Variants in PSMB2 observed in about 807,000 individuals in gnomAD.
The protein encoded by PSMB2 is proteasome 20S subunit beta 2.
Under a neutral mutation model 25.7 loss-of-function variants are expected in PSMB2, and 13 were observed. That is an observed-to-expected ratio of 0.51 (90% CI 0.33 to 0.80). PSMB2 has a LOEUF of 0.80. PSMB2 is among the 30% of genes least tolerant of loss of function. The probability of loss-of-function intolerance (pLI) is 0.02; values close to 1 mark genes in which losing one functional copy is unlikely to be tolerated. For missense variants in PSMB2, 202 were observed against 259.0 expected, an observed-to-expected ratio of 0.78 and a Z score of 1.51; for synonymous variants, 87 against 96.2, an observed-to-expected ratio of 0.90 and a Z score of 0.56.
intron 3 of PSMB2, among the ~76,000 whole-genome samples, chr1:35,612,190 G>A (rs555387201): frequency 2.0e-5 from 3 of 152,224 alleles, no homozygotes; most frequent in South Asian, 2.1e-4. Flanking sequence ...AATGAGTAGC[G>A]TGCGGCACTC....
At chr1:35,624,264 A>ACCAT (rs1239746189) in intron 3 of PSMB2, among the ~76,000 whole-genome samples, 1 of 152,210 alleles carries the variant, frequency 6.6e-6, no homozygotes, top group Non-Finnish European at 1.5e-5. Flanking sequence ...AACCCTAAAA[A>ACCAT]CCATCCAATC....
At chr1:35,607,676 G>A (rs1650208132) in intron 4 of PSMB2, among the ~76,000 whole-genome samples, 1 of 152,130 alleles carries the variant, frequency 6.6e-6, no homozygotes, top group Non-Finnish European at 1.5e-5. Context: ...CCACTACTGG[G>A]AATTTATCCA....
At chr1:35,618,887 G>A (rs79808330) in intron 3 of PSMB2, among the ~76,000 whole-genome samples, 3,507 of 152,226 alleles carry the variant, frequency 0.023, 155 homozygotes, top group African/African-American at 0.08. Flanking sequence ...TGTTCCAAAT[G>A]CATTTATTTT....
At chr1:35,639,833 A>G (rs188019849) in intron 1 of PSMB2, among the ~76,000 whole-genome samples, 8 of 152,378 alleles carry the variant, frequency 5.3e-5, no homozygotes, top group Admixed American at 3.3e-4. Context: ...ACTGGCTTAC[A>G]AACAAAACTT....
chr1:35,641,424 G>A lies in PSMB2; in HGVS notation c.9C>T (p.Tyr3=), dbSNP rs983333481. 8 of 1,614,140 alleles carry A rather than the reference G, an allele frequency of 5.0e-6. No homozygotes were observed. Among genetic ancestry groups the A allele is most frequent in the Admixed American group, 3.3e-5 (2 of 60,014 alleles). The part of the protein sequence containing the change: ME[Y]LIGIQGPDYV... ...AGTCGGGGCCTTGGATACCGATGAG[G>A]TACTCCATGGTGGCGGAAGGCCAGG... is the stretch of plus-strand genomic sequence containing the variant. The change falls in exon 1 of 6, where the codon TAC becomes TAT. Residue 3 remains tyrosine, a synonymous_variant. Coordinates refer to ENST00000373237, the MANE Select transcript of PSMB2 (RefSeq NM_002794.5).
chr1:35,640,788 A>G (rs187553329), intron 1 of PSMB2, among the ~76,000 whole-genome samples: 5 of 152,316 alleles, frequency 3.3e-5, no homozygotes, highest in Non-Finnish European at 7.3e-5. Flanking sequence ...GGCTCTGGGC[A>G]GGCGCTTAAA....
chr1:35,628,125 T>G (rs895080390), intron 3 of PSMB2, among the ~76,000 whole-genome samples: 3 of 152,134 alleles, frequency 2.0e-5, no homozygotes, highest in Admixed American at 2.0e-4. Context: ...AATTCATATT[T>G]TAGAACTAAG....
At chr1:35,614,445 T>C (rs1188995103) in intron 3 of PSMB2, among the ~76,000 whole-genome samples, 1 of 152,218 alleles carries the variant, frequency 6.6e-6, no homozygotes, top group East Asian at 1.9e-4. Flanking sequence ...GAAATCTCTA[T>C]TCTGTACATG....
At chr1:35,641,241 C>T in intron 1 of PSMB2, 101 bp downstream of exon 1, 1 of 1,444,450 alleles carries the variant, frequency 6.9e-7, no homozygotes, top group Middle Eastern at 2.3e-4. Flanking sequence ...GGCCGGCTTC[C>T]ATCTCTCAGA....
At chr1:35,619,415 C>T (rs941874861) in intron 3 of PSMB2, among the ~76,000 whole-genome samples, 1 of 152,152 alleles carries the variant, frequency 6.6e-6, no homozygotes, top group Admixed American at 6.5e-5. Context: ...GTGGCTTTAT[C>T]ACCTTACAGT....
intron 3 of PSMB2, among the ~76,000 whole-genome samples, chr1:35,617,492 T>C (rs1650526447): frequency 6.6e-6 from 1 of 152,196 alleles, no homozygotes. Flanking sequence ...GACTACAACA[T>C]AGAATAATTA....
At chr1:35,640,487 G>C (rs543953750) in intron 1 of PSMB2, among the ~76,000 whole-genome samples, 77 of 152,300 alleles carry the variant, frequency 5.1e-4, no homozygotes, top group African/African-American at 1.8e-3. Flanking sequence ...AGGAAAACCT[G>C]GCAGCCATTG....
rs937246925 is a variant in PSMB2, at chr1:35,601,687, T to C, written c.*1580A>G. The C allele has an allele frequency of 1.0e-6, 1 of 985,298 alleles. No homozygotes were observed. Among genetic ancestry groups the C allele is most frequent in the Non-Finnish European group, 1.2e-6 (1 of 829,928 alleles). 61.0% of individuals were successfully genotyped at this position (985,298 alleles called of 1,614,324 possible). A position where few individuals can be genotyped will look rare whatever the true frequency, so the allele number is the denominator to read the frequency against. On this transcript the variant is annotated 3_prime_UTR_variant, in exon 6 of 6. Transcript: ENST00000373237. ...AACAAAAACCTATCTGTATATGATA[T>C]TAAGAGGAGCACAGAATTGGATAAA...
chr1:35,609,535 T>TG, intron 3 of PSMB2, 127 bp from the exon 4 acceptor site: 1 of 900,854 alleles, frequency 1.1e-6, no homozygotes, highest in Non-Finnish European at 1.6e-6. Context: ...TAAATCACAA[T>TG]GAAAGTAAAA....
Position 35,601,500 on chromosome 1 carries a change from C to T in PSMB2, c.*1767G>A. 1 of 985,322 alleles carries T rather than the reference C, an allele frequency of 1.0e-6. No homozygotes were observed. Among genetic ancestry groups the T allele is most frequent in the Non-Finnish European group, 1.2e-6 (1 of 829,898 alleles). 61.0% of individuals were successfully genotyped at this position (985,322 alleles called of 1,614,324 possible). On this transcript the variant is annotated 3_prime_UTR_variant, in exon 6 of 6. Coordinates refer to ENST00000373237, the MANE Select transcript of PSMB2 (RefSeq NM_002794.5). ...AGTGACGTGAATCATCTCTTTTCTC[C>T]CATTTACTCAATGATTAGCTTTCTT...
At position 35,600,290 on chromosome 1, in the gene PSMB2, C is replaced by T; in HGVS notation, c.*2977G>A. ...GCAATGTTGTATCTTGGATTATATC[C>T]TAGAACAGAAGAAAATTAGTGGAAA... On this transcript the variant is annotated 3_prime_UTR_variant, in exon 6 of 6. Coordinates refer to ENST00000373237, the MANE Select transcript of PSMB2 (RefSeq NM_002794.5). The T allele has an allele frequency of 1.0e-6, 1 of 974,092 alleles. No homozygotes were observed. The allele number at this position is 974,092 out of a possible 1,614,324, so 60.3% of individuals were successfully genotyped here.
intron 3 of PSMB2, among the ~76,000 whole-genome samples, chr1:35,611,200 G>A (rs777158936): frequency 1.3e-5 from 2 of 152,176 alleles, no homozygotes; most frequent in Non-Finnish European, 2.9e-5. Flanking sequence ...TTAATTAAAC[G>A]CACAGTAAGT....
Position 35,641,474 on chromosome 1 carries a change from G to A in PSMB2, c.-42C>T, listed in dbSNP as rs763842759. 6 of 1,613,056 alleles carry A rather than the reference G, an allele frequency of 3.7e-6. No homozygotes were observed. In the Admixed American group the frequency reaches 6.7e-5, roughly 18 times the overall value. ...GGGCTGCAGGTCCGACACAGCACGAGACTCGCCCGCTTCCAGGTCTCACCG... is the reference window on the plus strand; with the variant it reads ...GGGCTGCAGGTCCGACACAGCACGAAACTCGCCCGCTTCCAGGTCTCACCG... On this transcript the variant is annotated 5_prime_UTR_variant, in exon 1 of 6. Transcript: ENST00000373237.
intron 3 of PSMB2, among the ~76,000 whole-genome samples, chr1:35,615,511 A>G (rs1650467666): frequency 6.6e-6 from 1 of 152,258 alleles, no homozygotes; most frequent in Admixed American, 6.5e-5. Flanking sequence ...GTGAAATTCC[A>G]TAAATTTTAC....
Sources: allele counts gnomAD v4.1 joint callset (sites outside exome capture counted in the v4.1 genomes callset), GRCh38; gene constraint gnomAD v4.1.1; transcripts MANE v1.5; gene names NCBI Gene and HGNC (gene_info 2026-07-23, HGNC 2026-07-21).